Variants in NAV3 observed in about 807,000 individuals in gnomAD.
NAV3 encodes neuron navigator 3.
A neutral mutation model predicts 244.7 loss-of-function variants in NAV3; 87 were observed. That is an observed-to-expected ratio of 0.36 (90% CI 0.30 to 0.42). The LOEUF (loss-of-function observed/expected upper bound fraction) is 0.42. Ranked by LOEUF, NAV3 falls within the 20% of genes least tolerant of loss-of-function variation. The pLI is 1.00. For missense variants in NAV3, 2,663 were observed against 2,893.3 expected, an observed-to-expected ratio of 0.92 and a Z score of 1.83; for synonymous variants, 1,126 against 1,042.2, an observed-to-expected ratio of 1.08 and a Z score of -1.55.
At chr12:77,702,521 C>T (rs764469112) in intron 2 of NAV3, among the ~76,000 whole-genome samples, 13 of 151,724 alleles carry the variant, frequency 8.6e-5, no homozygotes, top group Admixed American at 2.0e-4. Flanking sequence ...ATTTTTTGTG[C>T]GTCTTTTCTT....
At chr12:77,812,012 G>A (rs1405666286) in intron 2 of NAV3, among the ~76,000 whole-genome samples, 3 of 152,070 alleles carry the variant, frequency 2.0e-5, no homozygotes, top group Non-Finnish European at 4.4e-5. Context: ...ATCGTATTCA[G>A]CAAATGAATA....
chr12:78,143,424 A>G (rs764050486), intron 20 of NAV3: 4 of 436,064 alleles, frequency 9.2e-6, no homozygotes, highest in Middle Eastern at 3.5e-4. Flanking sequence ...TGAGGTCAGG[A>G]GTTCGAGACC....
intron 2 of NAV3, among the ~76,000 whole-genome samples, chr12:77,589,459 A>G (rs1188004619): frequency 6.6e-6 from 1 of 152,192 alleles, no homozygotes; most frequent in Non-Finnish European, 1.5e-5. Flanking sequence ...TGAAGGAAAG[A>G]GGTTTAATTT....
At chr12:78,169,383 C>T (rs438317) in intron 24 of NAV3, among the ~76,000 whole-genome samples, 6,893 of 151,764 alleles carry the variant, frequency 0.045, 190 homozygotes, top group Non-Finnish European at 0.071. Context: ...TGAAAGGTAG[C>T]TCTGTTTTAA....
At chr12:77,578,286 C>G (rs1182634384) in intron 2 of NAV3, among the ~76,000 whole-genome samples, 1 of 152,164 alleles carries the variant, frequency 6.6e-6, no homozygotes, top group Non-Finnish European at 1.5e-5. Flanking sequence ...ATTTTAAGAT[C>G]CCCCGGTGAC....
At chr12:77,771,109 G>C (rs1304296474) in intron 2 of NAV3, among the ~76,000 whole-genome samples, 1 of 152,164 alleles carries the variant, frequency 6.6e-6, no homozygotes, top group Non-Finnish European at 1.5e-5. Context: ...CGAAGGATAT[G>C]AACAGACACT....
intron 2 of NAV3, among the ~76,000 whole-genome samples, chr12:77,580,792 C>T (rs953829437): frequency 5.3e-5 from 8 of 152,126 alleles, no homozygotes; most frequent in African/African-American, 1.7e-4. Context: ...GTAAAAACTA[C>T]GTGATAAAGC....
intron 5 of NAV3, among the ~76,000 whole-genome samples, chr12:77,970,459 T>G (rs1892903079): frequency 6.6e-6 from 1 of 152,206 alleles, no homozygotes; most frequent in African/African-American, 2.4e-5. Context: ...TATTTATTTC[T>G]CTATACAACC....
chr12:77,840,328 T>C (rs893499065), intron 1 of NAV3, among the ~76,000 whole-genome samples: 17 of 152,246 alleles, frequency 1.1e-4, no homozygotes, highest in Admixed American at 2.6e-4. Flanking sequence ...GGAAGAAGTA[T>C]GCTAAATGTC....
intron 9 of NAV3, among the ~76,000 whole-genome samples, chr12:78,026,839 T>C (rs1208055238): frequency 6.6e-6 from 1 of 152,094 alleles, no homozygotes; most frequent in Non-Finnish European, 1.5e-5. Flanking sequence ...GGATGTAGCA[T>C]TAAAATGAGA....
chr12:77,799,981 T>C (rs1034638692), intron 2 of NAV3, among the ~76,000 whole-genome samples: 2 of 152,208 alleles, frequency 1.3e-5, no homozygotes, highest in Non-Finnish European at 2.9e-5. Context: ...CACAAAAACT[T>C]ATACAATTAG....
chr12:77,873,762 ATATATGTATAT>A (rs1881418194), intron 1 of NAV3, among the ~76,000 whole-genome samples: 3 of 116,318 alleles, frequency 2.6e-5, no homozygotes, highest in South Asian at 3.3e-4. Context: ...ATATATATAT[ATATATGTATAT>A]AACAGCATAT....
intron 24 of NAV3, among the ~76,000 whole-genome samples, chr12:78,174,801 A>G (rs916848620): frequency 3.9e-5 from 6 of 151,940 alleles, no homozygotes; most frequent in Non-Finnish European, 8.8e-5. Flanking sequence ...CATCTGTGAG[A>G]TTATGTGCTT....
Position 78,133,235 on chromosome 12 carries a change from T to C in NAV3, c.4442-3942T>C, listed in dbSNP as rs530586092. Among the ~76,000 whole-genome samples, 7 of 152,236 alleles carry C rather than the reference T, an allele frequency of 4.6e-5. No homozygotes were observed. In the East Asian group the frequency reaches 1.4e-3, roughly 29 times the overall value. The stretch of plus-strand genomic sequence containing the variant: ...CAAATCAGGCATTTTGAGATCTTTA[T>C]GCTGTATGGTTTCAGAGTGGAAAAA... On this transcript the variant is annotated intron_variant, in intron 18 of 39. Transcript: ENST00000397909.
At position 78,168,844 on chromosome 12, in the gene NAV3, T is replaced by C. The variant is rs1173610621; in HGVS notation, c.4959T>C (p.Asn1653=). Reference sequence around the variant, plus strand: ...AGGCGGCTATTCAGGGAGCACTGAATGGTCCAGACCATCCTCCCAAAGGTA... The same window carrying C: ...AGGCGGCTATTCAGGGAGCACTGAACGGTCCAGACCATCCTCCCAAAGGTA... The part of the protein sequence containing the change: ...AAQAAIQGAL[N]GPDHPPKDLR... The change falls in exon 24 of 40, where the codon AAT becomes AAC. Residue 1653 remains asparagine (N), a synonymous_variant. Coordinates refer to ENST00000397909, the MANE Select transcript of NAV3 (RefSeq NM_001024383.2). The C allele has an allele frequency of 6.2e-7, 1 of 1,609,898 alleles. No individual in the cohort carries two copies. The highest frequency in any genetic ancestry group is 8.5e-7 in the Non-Finnish European group (1 of 1,177,210).
chr12:78,022,511 A>G (rs1877328570), intron 9 of NAV3, among the ~76,000 whole-genome samples: 1 of 152,120 alleles, frequency 6.6e-6, no homozygotes, highest in Non-Finnish European at 1.5e-5. Context: ...TTGCCCCTAA[A>G]GGGTGAGAGA....
chr12:77,643,578 G>T (rs1872508500), intron 2 of NAV3, among the ~76,000 whole-genome samples: 1 of 151,426 alleles, frequency 6.6e-6, no homozygotes, highest in Non-Finnish European at 1.5e-5. Context: ...AAAAGATTTG[G>T]GAAACCTTAT....
At chr12:78,071,093 G>T (rs1466725105) in intron 12 of NAV3, among the ~76,000 whole-genome samples, 1 of 151,930 alleles carries the variant, frequency 6.6e-6, no homozygotes, top group East Asian at 1.9e-4. Flanking sequence ...GGGTCAAATG[G>T]TATTTCCAGT....
rs7956837 is a variant in NAV3, at chr12:77,901,672, C to T, written c.244-38647C>T. On this transcript the variant is annotated intron_variant, in intron 1 of 39. Coordinates refer to ENST00000397909, the MANE Select transcript of NAV3 (RefSeq NM_001024383.2). ...TTGCAGTGAACTGAGATCGCACCAC[C>T]GCCAGCCTGGGCAACAGGGTGAGAC... Among the ~76,000 whole-genome samples the T allele has an allele frequency of 6.0e-3, 912 of 152,096 alleles. 12 individuals carry two copies. Among genetic ancestry groups the T allele is most frequent in the African/African-American group, 0.019 (796 of 41,506 alleles).
Sources: gnomAD v4.1 joint callset for allele counts (sites outside exome capture counted in the v4.1 genomes callset) on GRCh38, gnomAD v4.1.1 for gene constraint, MANE v1.5 for transcripts, NCBI Gene and HGNC (gene_info 2026-07-23, HGNC 2026-07-21) for gene names.